Variants in MICU1 observed in about 807,000 individuals in gnomAD.
MICU1 encodes mitochondrial calcium uptake 1, also known as calcium uptake protein 1, mitochondrial.
Under a neutral mutation model 56.8 loss-of-function variants are expected in MICU1, and 45 were observed. The observed-to-expected ratio is 0.79, with a 90% CI of 0.62 to 1.02. The LOEUF (loss-of-function observed/expected upper bound fraction) is 1.02, where lower values mean the gene tolerates loss of function less well. Among genes scored for constraint, MICU1 ranks in the 50% least tolerant of loss-of-function variants. The pLI, the probability that MICU1 is intolerant of heterozygous loss-of-function variation, is 0.00. For missense variants in MICU1, 504 were observed against 587.1 expected (o/e 0.86, Z 1.46); for synonymous variants, 186 against 195.1 (o/e 0.95, Z 0.39).
intron 4 of MICU1, among the ~76,000 whole-genome samples, chr10:72,534,215 T>G (rs1839567347): frequency 6.8e-6 from 1 of 146,232 alleles, no homozygotes; most frequent in East Asian, 2.0e-4. Context: ...AAAAAAAAAC[T>G]ATTGCAGTAC....
At chr10:72,560,038 CA>C (rs1840254038) in intron 3 of MICU1, among the ~76,000 whole-genome samples, 1 of 152,234 alleles carries the variant, frequency 6.6e-6, no homozygotes, top group Admixed American at 6.5e-5. Context: ...CTGTCTTCCA[CA>C]AAACCAGTCC....
intron 1 of MICU1, among the ~76,000 whole-genome samples, chr10:72,598,550 C>T (rs946289859): frequency 3.3e-5 from 5 of 152,034 alleles, no homozygotes; most frequent in African/African-American, 1.2e-4. Context: ...GCCACCGTGC[C>T]GGGCCTCAAA....
At chr10:72,374,806 ATC>A (rs1947498189) in intron 11 of MICU1, among the ~76,000 whole-genome samples, 1 of 112,278 alleles carries the variant, frequency 8.9e-6, no homozygotes, top group Admixed American at 9.3e-5. Flanking sequence ...ATCTACTATT[ATC>A]TTTTTTTTTT....
At chr10:72,593,240 C>G (rs959825647) in intron 1 of MICU1, among the ~76,000 whole-genome samples, 1 of 152,154 alleles carries the variant, frequency 6.6e-6, no homozygotes, top group African/African-American at 2.4e-5. Context: ...GCAAGGATGT[C>G]TACTTTCACT....
intron 2 of MICU1, among the ~76,000 whole-genome samples, chr10:72,565,792 C>A (rs927142125): frequency 6.6e-6 from 1 of 151,794 alleles, no homozygotes; most frequent in Non-Finnish European, 1.5e-5. Context: ...CCAGCCTGGG[C>A]GACAGAGCAA....
intron 1 of MICU1, among the ~76,000 whole-genome samples, chr10:72,597,451 G>A (rs1026632579): frequency 2.0e-5 from 3 of 152,098 alleles, no homozygotes; most frequent in Admixed American, 6.6e-5. Flanking sequence ...CATCTAGAAC[G>A]GTACTACAGG....
In MICU1 at chr10:72,533,802, A is replaced by T; in HGVS notation, c.494-13T>A. ...TCCAGACCCAAGTCTGTAAAAGAAA[A>T]GGAAAAAACATTTAGCTACTGATAA... On this transcript the variant is annotated splice_polypyrimidine_tract_variant and intron_variant, in intron 4 of 11. Coordinates refer to ENST00000361114, the MANE Select transcript of MICU1 (RefSeq NM_001195518.2). The T allele has an allele frequency of 1.3e-6, 2 of 1,565,124 alleles. No homozygotes were observed. Among genetic ancestry groups the T allele is most frequent in the East Asian group, 2.3e-5 (1 of 44,256 alleles).
At chr10:72,471,235 C>G (rs1865941549) in intron 8 of MICU1, among the ~76,000 whole-genome samples, 1 of 152,178 alleles carries the variant, frequency 6.6e-6, no homozygotes, top group African/African-American at 2.4e-5. Flanking sequence ...CAGGCACGCG[C>G]CACCATGCCC....
chr10:72,590,757 G>A (rs1206881953), intron 1 of MICU1, among the ~76,000 whole-genome samples: 1 of 151,790 alleles, frequency 6.6e-6, no homozygotes, highest in Non-Finnish European at 1.5e-5. Flanking sequence ...AGGTTGCAGT[G>A]AGCTGAGATC....
At chr10:72,450,026 G>C (rs779438743) in intron 8 of MICU1, among the ~76,000 whole-genome samples, 6 of 152,070 alleles carry the variant, frequency 3.9e-5, no homozygotes, top group Non-Finnish European at 8.8e-5. Flanking sequence ...CTGAAAATCT[G>C]GTTTGTGTTC....
chr10:72,379,650 G>T, intron 10 of MICU1: 1 of 371,654 alleles, frequency 2.7e-6, no homozygotes, highest in South Asian at 2.0e-5. Context: ...AATTTCTAAT[G>T]AGAGGCTCAT....
Position 72,477,172 on chromosome 10 carries a change from GC to G in MICU1, c.735+1del. On this transcript the variant is annotated splice_donor_variant, in intron 7 of 11. Coordinates refer to ENST00000361114, the MANE Select transcript of MICU1 (RefSeq NM_001195518.2). LOFTEE classifies it high-confidence loss of function. ...TTAGAGGAACTCTCCAGGACAACTT[GC>G]CTGTTCAAATTCTTCCATATCTACT... 6.5e-7 allele frequency: 1 copy of G among 1,540,152 alleles called. No individual in the cohort carries two copies. Among genetic ancestry groups the G allele is most frequent in the African/African-American group, 1.4e-5 (1 of 72,600 alleles).
chr10:72,432,529 C>T (rs77393311), intron 8 of MICU1, among the ~76,000 whole-genome samples: 3,499 of 152,196 alleles, frequency 0.023, 126 homozygotes, highest in African/African-American at 0.081. Flanking sequence ...GTTCTGCAGG[C>T]TATAGGGGAA....
intron 2 of MICU1, among the ~76,000 whole-genome samples, chr10:72,563,587 GA>G (rs1448633771): frequency 6.6e-6 from 1 of 152,218 alleles, no homozygotes; most frequent in African/African-American, 2.4e-5. Context: ...GGGAAGCAAG[GA>G]AGTTGCTCTT....
chr10:72,515,672 C>T (rs1867624702), intron 5 of MICU1, among the ~76,000 whole-genome samples: 4 of 152,192 alleles, frequency 2.6e-5, no homozygotes, highest in South Asian at 2.1e-4. Context: ...TTCACAACTG[C>T]TAATCCCATC....
At chr10:72,411,787 C>G (rs1324445187) in intron 9 of MICU1, among the ~76,000 whole-genome samples, 1 of 152,122 alleles carries the variant, frequency 6.6e-6, no homozygotes, top group Non-Finnish European at 1.5e-5. Flanking sequence ...TAGTTTCTAA[C>G]TAACACTCTG....
At chr10:72,523,198 G>A (rs1267044042) in intron 5 of MICU1, among the ~76,000 whole-genome samples, 1 of 152,022 alleles carries the variant, frequency 6.6e-6, no homozygotes, top group Non-Finnish European at 1.5e-5. Context: ...TATTAAAGGA[G>A]AGGAAGAGTT....
At chr10:72,489,256 AC>A (rs1866570312) in intron 6 of MICU1, among the ~76,000 whole-genome samples, 1 of 150,338 alleles carries the variant, frequency 6.7e-6, no homozygotes, top group Non-Finnish European at 1.5e-5. Flanking sequence ...GTGCCACTGC[AC>A]CACTCTAGCC....
chr10:72,431,444 C>T (rs1470692489), intron 8 of MICU1, among the ~76,000 whole-genome samples: 1 of 152,078 alleles, frequency 6.6e-6, no homozygotes, highest in African/African-American at 2.4e-5. Context: ...CCACTATTTA[C>T]GTATCAGCTT....
Sources: gnomAD v4.1 joint callset for allele counts (sites outside exome capture counted in the v4.1 genomes callset) on GRCh38, gnomAD v4.1.1 for gene constraint, MANE v1.5 for transcripts, NCBI Gene and HGNC (gene_info 2026-07-23, HGNC 2026-07-21) for gene names.